The following TRANK1 variants were observed in gnomAD, a reference collection of about 807,000 sequenced individuals.
TRANK1 encodes the protein tetratricopeptide repeat and ankyrin repeat containing 1, also known as TPR and ankyrin repeat-containing protein 1.
Under a neutral mutation model 266.0 loss-of-function variants are expected in TRANK1, and 198 were observed. That is an observed-to-expected ratio of 0.74 (90% CI 0.66 to 0.84). The LOEUF is 0.84. Among genes scored for constraint, TRANK1 ranks in the 40% least tolerant of loss-of-function variants. TRANK1 has a pLI of 0.00. For missense variants in TRANK1, 3,326 were observed against 3,634.6 expected (o/e 0.92, Z 2.18); for synonymous variants, 1,396 against 1,384.1 (o/e 1.01, Z -0.19).
intron 8 of TRANK1, among the ~76,000 whole-genome samples, chr3:36,879,990 A>ATGTAAATATACAAATATT (rs2079495073): frequency 4.6e-5 from 1 of 21,518 alleles, no homozygotes; most frequent in African/African-American, 3.0e-4. Context: ...ATGCAAATAT[A>ATGTAAATATACAAATATT]TGTAAACATG....
chr3:36,835,527 A>T lies in TRANK1; in HGVS notation c.5518-620T>A, dbSNP rs370009223. On this transcript the variant is annotated intron_variant, in intron 20 of 23. Transcript: ENST00000645898. ...GACCTTGAGGTCACACTCAAGTGGA[A>T]GGAGTCTTCACGTAACTTCCAAAAA... Among the ~76,000 whole-genome samples the T allele has an allele frequency of 1.6e-4, 25 of 152,286 alleles. No homozygotes were observed. The East Asian group carries it at 4.6e-3, about 28-fold the overall frequency.
At chr3:36,829,002 C>T (rs535047772) in intron 23 of TRANK1, among the ~76,000 whole-genome samples, 62 of 152,290 alleles carry the variant, frequency 4.1e-4, no homozygotes, top group African/African-American at 1.4e-3. Flanking sequence ...AAAGAAAAAA[C>T]ATTCTGGATC....
chr3:36,895,931 A>T (rs1314970140), intron 4 of TRANK1, among the ~76,000 whole-genome samples, 173 bp from the exon 5 acceptor site: 2 of 152,230 alleles, frequency 1.3e-5, no homozygotes, highest in African/African-American at 4.8e-5. Flanking sequence ...AGTGGCAATT[A>T]TTTTCAGTTC....
chr3:36,875,902 A>G lies in TRANK1; in HGVS notation c.908-1606T>C, dbSNP rs574810599. On this transcript the variant is annotated intron_variant, in intron 8 of 23. Transcript: ENST00000645898. ...CGCTTAGAGCCTTACAATCACAGAA[A>G]TGTTGGGAGGACGTCATTTCCATTC... Among the ~76,000 whole-genome samples, 3 of 152,368 alleles carry G rather than the reference A, an allele frequency of 2.0e-5. No homozygotes were observed. In the East Asian group the frequency reaches 5.8e-4, roughly 29 times the overall value.
intron 5 of TRANK1, among the ~76,000 whole-genome samples, chr3:36,893,361 T>C (rs2079738439): frequency 1.3e-5 from 2 of 151,986 alleles, no homozygotes; most frequent in African/African-American, 2.4e-5. Context: ...AAATATCCCA[T>C]CCCAATCAAT....
In TRANK1 at chr3:36,852,315, T is replaced by C. The variant is rs370132206; in HGVS notation, c.4580A>G (p.Asp1527Gly). 38 of 1,595,062 alleles carry C rather than the reference T, an allele frequency of 2.4e-5. No homozygotes were observed. The highest frequency in any genetic ancestry group is 3.2e-5 in the Non-Finnish European group (38 of 1,173,656). The change falls in exon 14 of 24, where the codon GAT becomes GGT. Residue 1527 changes from aspartate (D) to glycine (G), a missense_variant. By Grantham distance (94) the Asp-to-Gly change is moderately conservative. Coordinates refer to ENST00000645898, the MANE Select transcript of TRANK1 (RefSeq NM_001329998.2). ...GILNLASGVV[D>G]LLQFYFPESF... The stretch of plus-strand genomic sequence containing the variant: ...TTCTGGGAAATAGAACTGAAGTAAA[T>C]CCACCACTCCAGATGCCAGATTGAG...
chr3:36,892,131 T>G, intron 7 of TRANK1, 71 bp downstream of exon 7: 1 of 1,471,628 alleles, frequency 6.8e-7, no homozygotes, highest in African/African-American at 1.4e-5. Flanking sequence ...TAGTTTCACT[T>G]GAGCTCAACA....
At chr3:36,944,324 C>G (rs1435939108) in intron 1 of TRANK1, among the ~76,000 whole-genome samples, 1 of 152,200 alleles carries the variant, frequency 6.6e-6, no homozygotes, top group Non-Finnish European at 1.5e-5. Flanking sequence ...GCTCCAAGTT[C>G]CCCGCAAATT....
chr3:36,900,585 A>T (rs898682307), intron 3 of TRANK1, among the ~76,000 whole-genome samples: 1 of 152,116 alleles, frequency 6.6e-6, no homozygotes, highest in Non-Finnish European at 1.5e-5. Context: ...TCTGTCTCAG[A>T]TAACAGAAAG....
intron 9 of TRANK1, among the ~76,000 whole-genome samples, chr3:36,873,420 G>T (rs752184911): frequency 1.3e-5 from 2 of 152,148 alleles, no homozygotes; most frequent in Non-Finnish European, 2.9e-5. Context: ...AAACTGAGAT[G>T]CTTAAAGAGT....
At chr3:36,854,755 T>C (rs1575206199) in intron 13 of TRANK1, among the ~76,000 whole-genome samples, 1 of 150,650 alleles carries the variant, frequency 6.6e-6, no homozygotes, top group African/African-American at 2.4e-5. Flanking sequence ...TCCCACTGCC[T>C]ACCACCCTCC....
intron 23 of TRANK1, 98 bp downstream of exon 23, chr3:36,829,466 C>T (rs1381405381): frequency 1.0e-5 from 12 of 1,143,798 alleles, no homozygotes; most frequent in Non-Finnish European, 1.3e-5. Flanking sequence ...CTATTGACAT[C>T]ACTGGGCTGC....
At position 36,833,860 on chromosome 3, in the gene TRANK1, C is replaced by T; in HGVS notation, c.5723G>A (p.Ser1908Asn). 6.2e-7 allele frequency: 1 copy of T among 1,613,970 alleles called. No homozygotes were observed. Reference protein sequence around the residue: ...LPISKLSYSASQFYLEAAAKY... With the variant: ...LPISKLSYSANQFYLEAAAKY... ...TGCTGCAGCTTCCAAGTAAAACTGACTGGCAGAATAGGAGAGCTTGGAAAT... is the reference window on the plus strand; with the variant it reads ...TGCTGCAGCTTCCAAGTAAAACTGATTGGCAGAATAGGAGAGCTTGGAAAT... Residue 1908 changes from serine (S) to asparagine (N), a missense_variant, in exon 22 of 24, where the codon AGT (serine) becomes AAT (asparagine). Transcript: ENST00000645898.
intron 5 of TRANK1, among the ~76,000 whole-genome samples, chr3:36,894,459 A>G (rs1408091774): frequency 6.6e-6 from 1 of 152,204 alleles, no homozygotes. Context: ...AGGAGAAAAT[A>G]TCTCAAATGT....
chr3:36,902,125 AT>A (rs1321001689), intron 3 of TRANK1, among the ~76,000 whole-genome samples: 1 of 152,226 alleles, frequency 6.6e-6, no homozygotes, highest in African/African-American at 2.4e-5. Context: ...CTTTAAAAAA[AT>A]AACCGCAAAA....
Position 36,888,918 on chromosome 3 carries a change from C to T in TRANK1, c.907+911G>A, listed in dbSNP as rs116065163. On this transcript the variant is annotated intron_variant, in intron 8 of 23. Coordinates refer to ENST00000645898, the MANE Select transcript of TRANK1 (RefSeq NM_001329998.2). ...AATTAGCTGGGCATGGCGGTGTTTG[C>T]CTGTAATCCCAACTACTCAGGAGAG... Among the ~76,000 whole-genome samples, 545 of 152,224 alleles carry T rather than the reference C, an allele frequency of 3.6e-3. 3 individuals are homozygous for T. The highest frequency in any genetic ancestry group is 0.011 in the African/African-American group (461 of 41,528).
chr3:36,850,408 T>A, intron 15 of TRANK1: 2 of 985,450 alleles, frequency 2.0e-6, no homozygotes, highest in Non-Finnish European at 1.2e-6. Context: ...ACTCAAAGCA[T>A]CTGAGTTCAT....
chr3:36,928,995 A>C (rs1256949802), intron 1 of TRANK1, among the ~76,000 whole-genome samples: 1 of 152,180 alleles, frequency 6.6e-6, no homozygotes, highest in African/African-American at 2.4e-5. Context: ...AGAATTGCAA[A>C]GATATTTTTA....
At chr3:36,899,070 G>A (rs1559461736) in intron 4 of TRANK1, 39 bp downstream of exon 4, 6 of 1,533,680 alleles carry the variant, frequency 3.9e-6, no homozygotes, top group East Asian at 2.4e-5. Flanking sequence ...CAATAAAATA[G>A]CAAGGACTTT....
Sources: gnomAD v4.1 joint callset for allele counts (sites outside exome capture counted in the v4.1 genomes callset) on GRCh38, gnomAD v4.1.1 for gene constraint, MANE v1.5 for transcripts, NCBI Gene and HGNC (gene_info 2026-07-23, HGNC 2026-07-21) for gene names.